The following NEGR1 variants were observed in gnomAD, a reference collection of about 807,000 sequenced individuals.
The protein encoded by NEGR1 is neuronal growth regulator 1.
NEGR1 carries 10 observed loss-of-function variants against 40.9 expected under a neutral mutation model. That is an observed-to-expected ratio of 0.24 (90% confidence interval 0.15 to 0.42). The LOEUF (loss-of-function observed/expected upper bound fraction) is 0.42. Among genes scored for constraint, NEGR1 ranks in the 10% least tolerant of loss-of-function variants. The pLI, the probability that NEGR1 is intolerant of heterozygous loss-of-function variation, is 1.00. For missense variants in NEGR1, 352 were observed against 438.9 expected, an observed-to-expected ratio of 0.80 and a Z score of 1.77; for synonymous variants, 185 against 166.8, an observed-to-expected ratio of 1.11 and a Z score of -0.84.
intron 2 of NEGR1, among the ~76,000 whole-genome samples, chr1:71,902,257 C>T (rs184846956): frequency 2.0e-4 from 31 of 152,128 alleles, no homozygotes; most frequent in Non-Finnish European, 4.1e-4. Flanking sequence ...AAAATAAGAG[C>T]GCAGTATGTG....
intron 1 of NEGR1, among the ~76,000 whole-genome samples, chr1:72,218,031 A>G (rs2100476567): frequency 6.6e-6 from 1 of 151,934 alleles, no homozygotes; most frequent in African/African-American, 2.4e-5. Context: ...ATACAGTAAA[A>G]CTTTGGATTT....
chr1:71,610,385 A>G (rs902035797), intron 5 of NEGR1, among the ~76,000 whole-genome samples: 6 of 152,156 alleles, frequency 3.9e-5, no homozygotes, highest in African/African-American at 1.4e-4. Context: ...GTTGAAAGTA[A>G]AGAGAAAGTT....
At chr1:72,171,638 C>T (rs948422161) in intron 1 of NEGR1, among the ~76,000 whole-genome samples, 1 of 151,994 alleles carries the variant, frequency 6.6e-6, no homozygotes, top group African/African-American at 2.4e-5. Context: ...AAAATTTACT[C>T]GATAAATATT....
At chr1:72,054,267 GC>G (rs1647089335) in intron 1 of NEGR1, among the ~76,000 whole-genome samples, 1 of 151,376 alleles carries the variant, frequency 6.6e-6, no homozygotes, top group East Asian at 1.9e-4. Context: ...CTGTTGCTGA[GC>G]AAATGACTGC....
chr1:71,528,560 G>A (rs1388515507), intron 6 of NEGR1, among the ~76,000 whole-genome samples: 1 of 151,180 alleles, frequency 6.6e-6, no homozygotes, highest in East Asian at 2.0e-4. Context: ...AACTAGCAAA[G>A]TGAAAAATTA....
chr1:71,512,653 G>T (rs1410126729), intron 6 of NEGR1, among the ~76,000 whole-genome samples: 2 of 151,522 alleles, frequency 1.3e-5, no homozygotes, highest in Non-Finnish European at 2.9e-5. Context: ...TGAGATCTCG[G>T]CTCACTACAA....
chr1:71,735,123 T>C (rs1178419932), intron 3 of NEGR1, among the ~76,000 whole-genome samples: 2 of 152,250 alleles, frequency 1.3e-5, no homozygotes, highest in Non-Finnish European at 1.5e-5. Flanking sequence ...TTCATATGGA[T>C]GCCACACCAG....
At chr1:71,750,453 C>T (rs1461566905) in intron 3 of NEGR1, among the ~76,000 whole-genome samples, 3 of 152,104 alleles carry the variant, frequency 2.0e-5, no homozygotes, top group Non-Finnish European at 4.4e-5. Context: ...ATACCCGAGA[C>T]ATATAAAGAA....
chr1:72,181,983 T>C (rs1327203851), intron 1 of NEGR1, among the ~76,000 whole-genome samples: 6 of 152,142 alleles, frequency 3.9e-5, no homozygotes, highest in Non-Finnish European at 7.4e-5. Flanking sequence ...ATGTACAATA[T>C]GCGGACCAGA....
chr1:71,871,443 G>C (rs1570452253), intron 2 of NEGR1, among the ~76,000 whole-genome samples: 1 of 152,206 alleles, frequency 6.6e-6, no homozygotes, highest in Middle Eastern at 3.4e-3. Flanking sequence ...AATATCATGA[G>C]AAAAGTAAAC....
At chr1:71,535,325 A>G (rs1369887399) in intron 6 of NEGR1, among the ~76,000 whole-genome samples, 1 of 151,688 alleles carries the variant, frequency 6.6e-6, no homozygotes, top group Admixed American at 6.6e-5. Context: ...CGGGTGGCAT[A>G]CAACTACAAC....
rs139912578 is a variant in NEGR1 at position 71,668,596 on chromosome 1, C to T, written c.667+29412G>A. ...AGGTCTCAGTAGTGGGAAGATAAAA[C>T]GTGACTGAAAGGACTTATATTCACT... On this transcript the variant is annotated intron_variant, in intron 4 of 6. Transcript: ENST00000357731. Among the ~76,000 whole-genome samples, 779 of 152,148 alleles carry T rather than the reference C, an allele frequency of 5.1e-3. 4 individuals carry two copies. Among genetic ancestry groups the T allele is most frequent in the African/African-American group, 0.018 (736 of 41,518 alleles).
intron 1 of NEGR1, among the ~76,000 whole-genome samples, chr1:72,040,972 T>C (rs1646948637): frequency 6.6e-6 from 1 of 151,924 alleles, no homozygotes; most frequent in African/African-American, 2.4e-5. Flanking sequence ...TAATAACCTG[T>C]TTTCTGTTTA....
At chr1:71,634,649 A>G (rs1244869482) in intron 4 of NEGR1, among the ~76,000 whole-genome samples, 4 of 152,118 alleles carry the variant, frequency 2.6e-5, no homozygotes, top group Non-Finnish European at 5.9e-5. Flanking sequence ...AGAAGAGAGT[A>G]TGAAGGGGTA....
At chr1:71,515,995 T>C (rs1647120385) in intron 6 of NEGR1, among the ~76,000 whole-genome samples, 1 of 23,262 alleles carries the variant, frequency 4.3e-5, no homozygotes, top group Non-Finnish European at 8.3e-5. Context: ...TACATAATGG[T>C]AAAGGGATCA....
At chr1:71,822,124 G>A (rs990011840) in intron 2 of NEGR1, among the ~76,000 whole-genome samples, 1 of 151,930 alleles carries the variant, frequency 6.6e-6, no homozygotes, top group African/African-American at 2.4e-5. Flanking sequence ...ATTTCAGTGA[G>A]TGAGGGCTTT....
chr1:71,873,980 G>T (rs1164330557), intron 2 of NEGR1, among the ~76,000 whole-genome samples: 2 of 152,118 alleles, frequency 1.3e-5, no homozygotes, highest in Non-Finnish European at 2.9e-5. Context: ...TTCAAAGGAT[G>T]CTCTGATTTT....
intron 2 of NEGR1, among the ~76,000 whole-genome samples, chr1:71,863,835 G>C (rs1172560794): frequency 2.0e-5 from 3 of 152,114 alleles, no homozygotes; most frequent in Non-Finnish European, 4.4e-5. Context: ...TAATGAACAA[G>C]AGGACTGTCC....
intron 6 of NEGR1, among the ~76,000 whole-genome samples, chr1:71,428,937 AT>A (rs2101290618): frequency 6.6e-6 from 1 of 152,144 alleles, no homozygotes; most frequent in South Asian, 2.1e-4. Flanking sequence ...CTCCCTTTGG[AT>A]TTTCTCTAAT....
Sources: gnomAD v4.1 joint callset for allele counts (sites outside exome capture counted in the v4.1 genomes callset) on GRCh38, gnomAD v4.1.1 for gene constraint, MANE v1.5 for transcripts, NCBI Gene and HGNC (gene_info 2026-07-23, HGNC 2026-07-21) for gene names.